Variants in RBPJ observed in about 807,000 individuals in gnomAD.
The protein encoded by RBPJ is recombination signal binding protein for immunoglobulin kappa J region.
In RBPJ, 9 loss-of-function variants were observed where a neutral mutation model predicts 67.8. That is an observed-to-expected ratio of 0.13 (90% CI 0.08 to 0.23). The LOEUF (loss-of-function observed/expected upper bound fraction) is 0.23, where lower values mean the gene tolerates loss of function less well. RBPJ is among the 10% of genes least tolerant of loss of function. RBPJ has a pLI of 1.00. For synonymous variants in RBPJ, 198 were observed against 203.3 expected (o/e 0.97, Z 0.22); for missense variants, 305 against 595.6 (o/e 0.51, Z 5.08).
intron 1 of RBPJ, among the ~76,000 whole-genome samples, chr4:26,294,822 G>T (rs917041171): frequency 5.3e-5 from 8 of 151,690 alleles, no homozygotes; most frequent in African/African-American, 1.9e-4. Context: ...GTTGCAGTGA[G>T]CTGAGATCGC....
intron 1 of RBPJ, among the ~76,000 whole-genome samples, chr4:26,186,521 C>T (rs184004824): frequency 4.8e-4 from 73 of 152,230 alleles, no homozygotes; most frequent in Admixed American, 7.2e-4. Flanking sequence ...GTGGACCCAA[C>T]CACTCTCTTT....
intron 1 of RBPJ, among the ~76,000 whole-genome samples, chr4:26,190,570 A>G (rs1363294568): frequency 6.6e-6 from 1 of 152,228 alleles, no homozygotes; most frequent in Non-Finnish European, 1.5e-5. Context: ...GAGAACCTGC[A>G]GGGACATGCA....
chr4:26,188,948 A>G (rs1169904749), intron 1 of RBPJ, among the ~76,000 whole-genome samples: 1 of 152,262 alleles, frequency 6.6e-6, no homozygotes, highest in African/African-American at 2.4e-5. Flanking sequence ...AAAATGATAC[A>G]GTATGTTATT....
chr4:26,200,154 G>GA (rs1308360196), intron 1 of RBPJ, among the ~76,000 whole-genome samples: 1 of 152,224 alleles, frequency 6.6e-6, no homozygotes, highest in East Asian at 1.9e-4. Flanking sequence ...TCGTTGTAGA[G>GA]AAAATAGGAC....
At chr4:26,359,010 G>A (rs891426953) in intron 1 of RBPJ, among the ~76,000 whole-genome samples, 1 of 152,174 alleles carries the variant, frequency 6.6e-6, no homozygotes, top group African/African-American at 2.4e-5. Flanking sequence ...TAGCTAGTGA[G>A]TAGAGGATCT....
At chr4:26,350,962 T>G (rs1726732301) in intron 1 of RBPJ, among the ~76,000 whole-genome samples, 1 of 152,180 alleles carries the variant, frequency 6.6e-6, no homozygotes, top group Non-Finnish European at 1.5e-5. Flanking sequence ...TTTAACCCAT[T>G]TATGCCATAG....
rs562996758 is a variant in RBPJ at position 26,213,066 on chromosome 4, C to A, written c.-167+49452C>A. Among the ~76,000 whole-genome samples the A allele has an allele frequency of 3.9e-5, 6 of 152,248 alleles. No homozygotes were observed. In the South Asian group the frequency reaches 1.2e-3, roughly 32 times the overall value. On this transcript the variant is annotated intron_variant, in intron 1 of 4. Transcript: ENST00000512351. ...AGCTGCTTATATCCTTTAAAATGTC[C>A]TTTATAATAAACTAGTAAATATAAG...
chr4:26,320,440 C>G (rs1229284857), upstream of RBPJ: 4 of 366,650 alleles, frequency 1.1e-5, no homozygotes, highest in Non-Finnish European at 2.0e-5. Flanking sequence ...TTGCCCGAAC[C>G]CCAGACATCT....
At chr4:26,299,367 T>C (rs149350277) in intron 1 of RBPJ, among the ~76,000 whole-genome samples, 203 of 152,290 alleles carry the variant, frequency 1.3e-3, no homozygotes, top group Admixed American at 1.8e-3. Flanking sequence ...ATCATGTAGA[T>C]CTGTAGCCAC....
intron 1 of RBPJ, among the ~76,000 whole-genome samples, chr4:26,274,157 T>C (rs895003932): frequency 1.3e-5 from 2 of 152,192 alleles, no homozygotes; most frequent in African/African-American, 4.8e-5. Flanking sequence ...CTTCATTTGA[T>C]TTTCTGCCTA....
At chr4:26,223,285 G>A (rs957188966) in intron 1 of RBPJ, among the ~76,000 whole-genome samples, 4 of 152,162 alleles carry the variant, frequency 2.6e-5, no homozygotes, top group African/African-American at 9.7e-5. Context: ...GGACACTCAT[G>A]TGATAGGCAC....
intron 1 of RBPJ, among the ~76,000 whole-genome samples, chr4:26,333,281 T>C (rs1372516526): frequency 6.6e-6 from 1 of 152,194 alleles, no homozygotes; most frequent in East Asian, 1.9e-4. Flanking sequence ...TGACATTCGA[T>C]TCTATTTTAA....
At chr4:26,186,806 T>G (rs1351839649) in intron 1 of RBPJ, among the ~76,000 whole-genome samples, 1 of 152,240 alleles carries the variant, frequency 6.6e-6, no homozygotes, top group Non-Finnish European at 1.5e-5. Context: ...TTACAAAAGA[T>G]TCTCAATGTG....
At chr4:26,195,310 C>T (rs1331508849) in intron 1 of RBPJ, among the ~76,000 whole-genome samples, 1 of 152,190 alleles carries the variant, frequency 6.6e-6, no homozygotes, top group African/African-American at 2.4e-5. Context: ...TTCAAAGCTG[C>T]AGTCTTTTAT....
rs186186766 is a variant in RBPJ, at chr4:26,180,665, A to T, written c.-167+17051A>T. Among the ~76,000 whole-genome samples the T allele has an allele frequency of 7.8e-4, 118 of 152,250 alleles. 1 individual carries two copies. In the Middle Eastern group the frequency reaches 0.014, roughly 18 times the overall value. ...CCTCCCAAAGGCCTCATCTCCCAATACCTTGGAGATTAGCATTTCAATGCA... is the reference window on the plus strand; with the variant it reads ...CCTCCCAAAGGCCTCATCTCCCAATTCCTTGGAGATTAGCATTTCAATGCA... On this transcript the variant is annotated intron_variant, in intron 1 of 4. Transcript: ENST00000512351.
At chr4:26,277,077 G>C (rs1317774018) in intron 1 of RBPJ, among the ~76,000 whole-genome samples, 1 of 151,246 alleles carries the variant, frequency 6.6e-6, no homozygotes, top group Non-Finnish European at 1.5e-5. Context: ...GGCCAGGAGT[G>C]GGGACCAGCC....
chr4:26,218,069 G>A lies in RBPJ; in HGVS notation c.-167+54455G>A, dbSNP rs1457791700. ...TGATTTTCCACGAGCCCCGCACAGG[G>A]AACAAGAAGATCCAAGTCCCACTTC... On this transcript the variant is annotated intron_variant, in intron 1 of 4. Transcript: ENST00000512351. 2.6e-5 allele frequency among the ~76,000 whole-genome samples: 4 copies of A among 152,182 alleles called. No homozygotes were observed. In the East Asian group the frequency reaches 7.7e-4, roughly 29 times the overall value.
At chr4:26,363,098 A>G (rs1577527170) in intron 1 of RBPJ, among the ~76,000 whole-genome samples, 2 of 152,066 alleles carry the variant, frequency 1.3e-5, no homozygotes, top group Non-Finnish European at 2.9e-5. Flanking sequence ...TTCTTTTCCA[A>G]AGAATTTTCA....
the RBPJ span, among the ~76,000 whole-genome samples, chr4:26,131,078 C>T: frequency 6.6e-6 from 1 of 152,210 alleles, no homozygotes. Flanking sequence ...ACGGTCTAGT[C>T]TTCATTTGTG....
Sources: gnomAD v4.1 joint callset for allele counts (sites outside exome capture counted in the v4.1 genomes callset) on GRCh38, gnomAD v4.1.1 for gene constraint, MANE v1.5 for transcripts, NCBI Gene and HGNC (gene_info 2026-07-23, HGNC 2026-07-21) for gene names.